SSH2: variants seen among roughly 807,000 people sequenced by gnomAD.
The protein encoded by SSH2 is slingshot protein phosphatase 2.
SSH2 carries 37 observed loss-of-function variants against 135.2 expected under a neutral mutation model. The observed-to-expected ratio is 0.27, with a 90% CI of 0.21 to 0.36. The LOEUF (loss-of-function observed/expected upper bound fraction) is 0.36. SSH2 is among the 10% of genes least tolerant of loss of function. The probability of loss-of-function intolerance (pLI) is 1.00; values close to 1 mark genes in which losing one functional copy is unlikely to be tolerated. For missense variants in SSH2, 1,408 were observed against 1,765.3 expected, an observed-to-expected ratio of 0.80 and a Z score of 3.63; for synonymous variants, 628 against 646.2, an observed-to-expected ratio of 0.97 and a Z score of 0.43.
At chr17:29,841,021 C>T (rs1487814934) in intron 2 of SSH2, among the ~76,000 whole-genome samples, 3 of 152,158 alleles carry the variant, frequency 2.0e-5, no homozygotes, top group Admixed American at 2.0e-4. Flanking sequence ...AAAGCATAGC[C>T]TGATAGCCAC....
intron 1 of SSH2, among the ~76,000 whole-genome samples, chr17:29,911,496 T>G (rs770789881): frequency 6.6e-6 from 1 of 152,178 alleles, no homozygotes; most frequent in Non-Finnish European, 1.5e-5. Context: ...TAAGCCCCAT[T>G]CTACAGAGAC....
intron 4 of SSH2, among the ~76,000 whole-genome samples, chr17:29,698,889 C>A (rs922346709): frequency 8.5e-5 from 13 of 152,112 alleles, no homozygotes; most frequent in African/African-American, 3.1e-4. Context: ...GGAGGAGAAC[C>A]CTAAATAGCA....
chr17:29,878,519 T>G (rs1320004537), intron 1 of SSH2, among the ~76,000 whole-genome samples: 1 of 152,190 alleles, frequency 6.6e-6, no homozygotes, highest in African/African-American at 2.4e-5. Flanking sequence ...TGACACATAG[T>G]TGATGCTCAA....
At chr17:29,800,318 C>T (rs1028229260) in intron 2 of SSH2, among the ~76,000 whole-genome samples, 1 of 152,068 alleles carries the variant, frequency 6.6e-6, no homozygotes, top group Non-Finnish European at 1.5e-5. Flanking sequence ...CAGCAGAATT[C>T]ACCGCCAAAA....
chr17:29,927,964 T>C (rs1894020761), intron 1 of SSH2, among the ~76,000 whole-genome samples: 1 of 152,258 alleles, frequency 6.6e-6, no homozygotes, highest in South Asian at 2.1e-4. Context: ...ACTCAAGTTT[T>C]GGCTAATGAA....
At chr17:29,865,249 G>A (rs2065834026) in intron 1 of SSH2, among the ~76,000 whole-genome samples, 1 of 152,230 alleles carries the variant, frequency 6.6e-6, no homozygotes, top group Non-Finnish European at 1.5e-5. Flanking sequence ...TGCAACTTAA[G>A]ATTGATACAG....
intron 3 of SSH2, among the ~76,000 whole-genome samples, chr17:29,743,616 A>C (rs1468729016): frequency 5.3e-5 from 8 of 152,238 alleles, no homozygotes; most frequent in South Asian, 2.1e-4. Flanking sequence ...GCCCCGGCAC[A>C]CTAATAACCA....
chr17:29,642,162 G>A (rs1392724304), intron 14 of SSH2, among the ~76,000 whole-genome samples: 1 of 152,104 alleles, frequency 6.6e-6, no homozygotes, highest in Non-Finnish European at 1.5e-5. Flanking sequence ...GCTGTCACCT[G>A]ACCAGGAGTC....
At chr17:29,793,158 C>T (rs1006371173) in intron 3 of SSH2, among the ~76,000 whole-genome samples, 1 of 152,012 alleles carries the variant, frequency 6.6e-6, no homozygotes, top group South Asian at 2.1e-4. Flanking sequence ...CTTTTAAAAA[C>T]CCTTAAAGGA....
intron 3 of SSH2, among the ~76,000 whole-genome samples, chr17:29,753,303 G>GT (rs2041008244): frequency 6.6e-6 from 1 of 151,466 alleles, no homozygotes; most frequent in Admixed American, 6.6e-5. Flanking sequence ...GCTAATTTTT[G>GT]TATTTTTGTA....
At chr17:29,640,832 A>C (rs983443434) in intron 14 of SSH2, 2 of 152,060 alleles carry the variant, frequency 1.3e-5, no homozygotes, top group African/African-American at 2.4e-5. Flanking sequence ...TTATAGTGTC[A>C]ACATGTTTTG....
Position 29,632,549 on chromosome 17 carries a change from A to G in SSH2, c.2645T>C (p.Met882Thr). 1 of 1,614,196 alleles carries G rather than the reference A, an allele frequency of 6.2e-7. No homozygotes were observed. The highest frequency in any genetic ancestry group is 1.1e-5 in the South Asian group (1 of 91,092). Residue 882 changes from methionine to threonine, a missense_variant, in exon 16 of 16, where the codon ATG becomes ACG. By Grantham distance (81) the Met-to-Thr change is moderately conservative (BLOSUM62 -1). Around this residue, in one of 3 missense-constraint regions of SSH2, gnomAD observed 1,080 missense variants for 1,144.5 expected, o/e 0.94. Transcript: ENST00000540801. Reference protein sequence around the residue: ...EGEQELQGSGMHPGAKWYPGS... With the variant: ...EGEQELQGSGTHPGAKWYPGS... ...AGGGTACCACTTGGCACCTGGGTGC[A>G]TCCCTGAGCCCTGGAGCTCTTGTTC... is the stretch of plus-strand genomic sequence containing the variant.
chr17:29,878,324 G>A (rs748646380), intron 1 of SSH2, among the ~76,000 whole-genome samples: 32 of 152,286 alleles, frequency 2.1e-4, no homozygotes, highest in Middle Eastern at 6.8e-3. Flanking sequence ...CTACTCGGGA[G>A]GCTGAGGCAG....
chr17:29,784,175 T>C (rs2041907586), intron 3 of SSH2, among the ~76,000 whole-genome samples: 1 of 146,574 alleles, frequency 6.8e-6, no homozygotes, highest in South Asian at 2.2e-4. Context: ...TCACCTGAGA[T>C]CAGGAGTTAG....
At chr17:29,720,706 C>A (rs1335121665) in intron 3 of SSH2, among the ~76,000 whole-genome samples, 1 of 150,678 alleles carries the variant, frequency 6.6e-6, no homozygotes, top group Non-Finnish European at 1.5e-5. Context: ...CTGACACTTG[C>A]AAAAGCAGTT....
intron 15 of SSH2, among the ~76,000 whole-genome samples, chr17:29,633,425 G>A (rs1281607487): frequency 1.3e-5 from 2 of 152,164 alleles, no homozygotes; most frequent in African/African-American, 4.8e-5. Flanking sequence ...CAAGATGGAC[G>A]AGGCTATCAC....
intron 3 of SSH2, among the ~76,000 whole-genome samples, chr17:29,766,588 G>A (rs1015580934): frequency 2.0e-5 from 3 of 151,950 alleles, no homozygotes; most frequent in African/African-American, 4.8e-5. Context: ...CAGTATTACC[G>A]TCTGTAGTAA....
intron 3 of SSH2, among the ~76,000 whole-genome samples, chr17:29,718,953 C>T (rs2039723544): frequency 6.6e-6 from 1 of 152,120 alleles, no homozygotes; most frequent in African/African-American, 2.4e-5. Flanking sequence ...GGTAGCAGAA[C>T]AATGCTTTGT....
chr17:29,639,352 T>G (rs138379407), intron 14 of SSH2, among the ~76,000 whole-genome samples: 45 of 152,072 alleles, frequency 3.0e-4, no homozygotes, highest in African/African-American at 8.2e-4. Context: ...GGGTGTGGTC[T>G]CCATGACTTA....
Sources: allele counts gnomAD v4.1 joint callset (sites outside exome capture counted in the v4.1 genomes callset), GRCh38; gene constraint gnomAD v4.1.1; regional missense constraint gnomAD v4.1.1; transcripts MANE v1.5; gene names NCBI Gene and HGNC (gene_info 2026-07-23, HGNC 2026-07-21).